The following NCOR2 variants were observed in gnomAD, a reference collection of about 807,000 sequenced individuals.
NCOR2 encodes CTG repeat protein 26.
In NCOR2, 81 loss-of-function variants were observed where a neutral mutation model predicts 262.9. That is an observed-to-expected ratio of 0.31 (90% CI 0.26 to 0.37). NCOR2 has a LOEUF of 0.37. Ranked by LOEUF, NCOR2 falls within the 10% of genes least tolerant of loss-of-function variation. The pLI, the probability that NCOR2 is intolerant of heterozygous loss-of-function variation, is 1.00. For synonymous variants in NCOR2, 1,659 were observed against 1,559.3 expected (o/e 1.06, Z -1.51); for missense variants, 3,385 against 3,621.4 (o/e 0.93, Z 1.68).
chr12:124,351,110 G>A (rs1022076214), intron 27 of NCOR2, among the ~76,000 whole-genome samples: 1 of 152,202 alleles, frequency 6.6e-6, no homozygotes, highest in Non-Finnish European at 1.5e-5. Context: ...GGGGCAGGCG[G>A]GGACTTGAAC....
chr12:124,555,497 C>G (rs1041519647), intron 1 of NCOR2, among the ~76,000 whole-genome samples: 3 of 152,218 alleles, frequency 2.0e-5, no homozygotes, highest in African/African-American at 7.2e-5. Context: ...ATCGCCACAG[C>G]AGTCCCCCCA....
intron 1 of NCOR2, among the ~76,000 whole-genome samples, chr12:124,561,710 A>G (rs1778287702): frequency 6.6e-6 from 1 of 152,078 alleles, no homozygotes; most frequent in Non-Finnish European, 1.5e-5. Context: ...CAGAGAAAAC[A>G]CGCATGAAAA....
chr12:124,511,540 G>A (rs944034002), intron 1 of NCOR2, among the ~76,000 whole-genome samples: 4 of 152,232 alleles, frequency 2.6e-5, no homozygotes, highest in Admixed American at 1.3e-4. Context: ...GGGCAAAGCC[G>A]GGGTAGAATC....
chr12:124,475,481 G>A (rs1396222556), intron 3 of NCOR2, among the ~76,000 whole-genome samples: 2 of 152,248 alleles, frequency 1.3e-5, no homozygotes, highest in East Asian at 3.8e-4. Context: ...TTCCTATAAA[G>A]GGCCAGATGG....
intron 4 of NCOR2, 89 bp downstream of exon 6, chr12:124,472,863 G>C (rs2046900604): frequency 1.6e-5 from 25 of 1,556,368 alleles, no homozygotes. Flanking sequence ...AACTTGGGAA[G>C]GGCTTGGCAC....
At chr12:124,562,735 A>G (rs947505063) in intron 1 of NCOR2, among the ~76,000 whole-genome samples, 2 of 152,216 alleles carry the variant, frequency 1.3e-5, no homozygotes, top group Non-Finnish European at 2.9e-5. Context: ...GGGCTCTGGA[A>G]AAGAGACAGG....
chr12:124,339,480 CCCAT>C (rs1192690095), intron 37 of NCOR2, among the ~76,000 whole-genome samples: 1 of 148,436 alleles, frequency 6.7e-6, no homozygotes, highest in Non-Finnish European at 1.5e-5. Context: ...TGACCACCCA[CCCAT>C]CCATCCACCC....
upstream of NCOR2, chr12:124,495,432 G>A: frequency 1.6e-6 from 2 of 1,268,192 alleles, no homozygotes; most frequent in East Asian, 2.6e-5. The surrounding 1 kb of genome is among the most constrained non-coding windows in gnomAD (Gnocchi z 4.4). Flanking sequence ...TCCGTGCACA[G>A]GTCCCCGAGT....
At chr12:124,446,023 TGGTGGGAC>T (rs1430040851) in intron 7 of NCOR2, among the ~76,000 whole-genome samples, 1 of 152,228 alleles carries the variant, frequency 6.6e-6, no homozygotes, top group Non-Finnish European at 1.5e-5. Flanking sequence ...TCCAGCCACA[TGGTGGGAC>T]GGGGCCTGCA....
At chr12:124,433,248 C>T (rs1214356825) in intron 8 of NCOR2, among the ~76,000 whole-genome samples, 1 of 152,214 alleles carries the variant, frequency 6.6e-6, no homozygotes, top group East Asian at 1.9e-4. Context: ...CACACGTGCT[C>T]GGGGCAGTGG....
chr12:124,383,065 G>A (rs1345232418), intron 17 of NCOR2, among the ~76,000 whole-genome samples: 4 of 150,414 alleles, frequency 2.7e-5, no homozygotes, highest in African/African-American at 7.3e-5. Flanking sequence ...TCAATCAATC[G>A]TGAGTGTGCC....
chr12:124,325,501 G>A (rs1269326983), exon 47 of NCOR2: 52 of 1,357,162 alleles, frequency 3.8e-5, no homozygotes, highest in East Asian at 1.5e-4. Context: ...CGCTGCCCGC[G>A]GGGAGGCCCG....
intron 1 of NCOR2, among the ~76,000 whole-genome samples, chr12:124,547,812 G>C (rs1486647132): frequency 6.6e-6 from 1 of 152,128 alleles, no homozygotes; most frequent in Non-Finnish European, 1.5e-5. Context: ...ATGGTTTCAA[G>C]GTTCACCCGC....
At chr12:124,413,959 G>A (rs1254310474) in intron 13 of NCOR2, among the ~76,000 whole-genome samples, 2 of 141,032 alleles carry the variant, frequency 1.4e-5, no homozygotes, top group African/African-American at 2.5e-5. Context: ...CCCCATATCA[G>A]AGGGTGTCTC....
At chr12:124,461,537 C>T (rs927363505) in intron 5 of NCOR2, among the ~76,000 whole-genome samples, 1 of 152,232 alleles carries the variant, frequency 6.6e-6, no homozygotes, top group South Asian at 2.1e-4. Flanking sequence ...GACGGGTCCA[C>T]GGGAGCACCA....
chr12:124,395,807 T>C (rs755319064), intron 16 of NCOR2, among the ~76,000 whole-genome samples: 36 of 151,490 alleles, frequency 2.4e-4, no homozygotes, highest in Non-Finnish European at 4.4e-4. Context: ...CCACGCGGAG[T>C]CCTCCGATGG....
intron 1 of NCOR2, chr12:124,514,893 A>T (rs1268383217): frequency 6.6e-6 from 1 of 151,206 alleles, no homozygotes; most frequent in Non-Finnish European, 1.5e-5. Context: ...GGCCCCAAAG[A>T]ACAGCAAAGA....
At chr12:124,415,668 T>C (rs575147875) in intron 13 of NCOR2, among the ~76,000 whole-genome samples, 2 of 152,142 alleles carry the variant, frequency 1.3e-5, no homozygotes, top group Non-Finnish European at 2.9e-5. Flanking sequence ...CATTTCCCCA[T>C]CCTGGGAGCC....
chr12:124,417,140 C>G (rs76410981), intron 13 of NCOR2, among the ~76,000 whole-genome samples: 5,243 of 36,914 alleles, frequency 0.14, 2 homozygotes, highest in Non-Finnish European at 0.22. Context: ...AGACCAGACA[C>G]TCACTCCACG....
Sources: gnomAD v4.1 joint callset for allele counts (sites outside exome capture counted in the v4.1 genomes callset) on GRCh38, gnomAD v4.1.1 for gene constraint, Gnocchi (gnomAD v3.1) non-coding constraint, MANE v1.5 for transcripts, NCBI Gene and HGNC (gene_info 2026-07-23, HGNC 2026-07-21) for gene names.